Variants in MED12L observed in about 807,000 individuals in gnomAD.
The protein encoded by MED12L is mediator complex subunit 12L, also known as mediator of RNA polymerase II transcription subunit 12-like protein.
Under a neutral mutation model 281.3 loss-of-function variants are expected in MED12L, and 60 were observed. The observed-to-expected ratio is 0.21, with a 90% CI of 0.17 to 0.26. The LOEUF (loss-of-function observed/expected upper bound fraction) is 0.26. Ranked by LOEUF, MED12L falls within the 10% of genes least tolerant of loss-of-function variation. The pLI is 1.00. For missense variants in MED12L, 2,146 were observed against 2,680.9 expected (o/e 0.80, Z 4.41); for synonymous variants, 974 against 987.2 (o/e 0.99, Z 0.25).
chr3:151,237,439 T>A lies in MED12L; in HGVS notation c.2250+43773T>A, dbSNP rs1462913594. On this transcript the variant is annotated intron_variant, in intron 16 of 44. Coordinates refer to ENST00000687756, the MANE Select transcript of MED12L (RefSeq NM_001393769.1). ...ATCTTGGCTCACTGCAACCTCCACC[T>A]CCTGGGTTCAAGCGATTCTCCTGCC... is the stretch of plus-strand genomic sequence containing the variant. 1.5e-5 allele frequency among the ~76,000 whole-genome samples: 2 copies of A among 129,924 alleles called. 1 individual carries two copies. Among genetic ancestry groups the A allele is most frequent in the Non-Finnish European group, 3.1e-5 (2 of 63,904 alleles). The allele number at this position is 129,924 out of a possible 152,430, so 85.2% of individuals were successfully genotyped here. A position where few individuals can be genotyped will look rare whatever the true frequency, so the allele number is the denominator to read the frequency against.
In MED12L at chr3:151,294,302, AAG is replaced by A. The variant is rs1254783278; in HGVS notation, c.2251-55756_2251-55755del. On this transcript the variant is annotated intron_variant, in intron 16 of 44. Coordinates refer to ENST00000687756, the MANE Select transcript of MED12L (RefSeq NM_001393769.1). ...TCTTGAAAATGACCTACACATGAAA[AAG>A]TAAATTATTGGATCCAGGCAAACAT... 3.1e-6 allele frequency: 5 copies of A among 1,614,014 alleles called. No individual in the cohort carries two copies. The African/African-American group carries it at 4.0e-5, about 13-fold the overall frequency.
chr3:151,434,037 AT>A lies in MED12L; in HGVS notation c.*1240del, dbSNP rs1363732684. ...GTAACTTAAGAGTATTCTATATAAT[AT>A]TTTTTTAGATTTAGATGCATAAAAT... On this transcript the variant is annotated 3_prime_UTR_variant, in exon 45 of 45. Transcript: ENST00000687756. The A allele has an allele frequency of 6.6e-6, 1 of 152,532 alleles. No homozygotes were observed. The allele number at this position is 152,532 out of a possible 1,614,324, so 9.4% of individuals were successfully genotyped here.
intron 16 of MED12L, among the ~76,000 whole-genome samples, chr3:151,231,894 TCAGTA>T (rs1456636202): frequency 1.3e-5 from 2 of 152,212 alleles, no homozygotes; most frequent in Non-Finnish European, 2.9e-5. Flanking sequence ...TGAAAGTACT[TCAGTA>T]CAAGAAAACA....
chr3:151,206,971 A>C (rs1166976130), intron 16 of MED12L, among the ~76,000 whole-genome samples: 1 of 151,894 alleles, frequency 6.6e-6, no homozygotes, highest in South Asian at 2.1e-4. Context: ...AAAGCACAGA[A>C]CACATTTTTA....
At chr3:151,424,225 T>C (rs1472969098) in intron 43 of MED12L, among the ~76,000 whole-genome samples, 1 of 152,146 alleles carries the variant, frequency 6.6e-6, no homozygotes, top group Non-Finnish European at 1.5e-5. Context: ...GAAGAAGTAA[T>C]ATTTATAGAA....
At chr3:151,094,617 G>C (rs1419696350) in intron 2 of MED12L, among the ~76,000 whole-genome samples, 1 of 152,142 alleles carries the variant, frequency 6.6e-6, no homozygotes, top group African/African-American at 2.4e-5. Context: ...AAATGTGTAT[G>C]TATATGTAAA....
At chr3:151,323,019 T>A (rs1308174185) in intron 16 of MED12L, among the ~76,000 whole-genome samples, 1 of 152,226 alleles carries the variant, frequency 6.6e-6, no homozygotes, top group Non-Finnish European at 1.5e-5. Flanking sequence ...TCTGTGATGA[T>A]GACCTAGCAA....
chr3:151,311,891 GGCAGGCACTTGTATTTCCA>G (rs1747577172), intron 16 of MED12L, among the ~76,000 whole-genome samples: 1 of 152,134 alleles, frequency 6.6e-6, no homozygotes, highest in South Asian at 2.1e-4. Context: ...CGGGTGTGGT[GGCAGGCACTTGTATTTCCA>G]GCTACTCAGG....
At chr3:151,432,409 A>T (rs886471482) in intron 44 of MED12L, among the ~76,000 whole-genome samples, 1 of 152,204 alleles carries the variant, frequency 6.6e-6, no homozygotes, top group Admixed American at 6.5e-5. Context: ...GCTGACTTTC[A>T]TAAGCATTTT....
intron 30 of MED12L, 27 bp from the exon 31 acceptor site, chr3:151,377,985 C>T (rs368660319): frequency 3.5e-5 from 54 of 1,554,414 alleles, no homozygotes; most frequent in South Asian, 2.7e-4. Context: ...ATGCTTTCTC[C>T]GGTGTAACAC....
rs528793135 is a variant in MED12L, at chr3:151,120,036, C to T, written c.205-2747C>T. Among the ~76,000 whole-genome samples, 10 of 146,974 alleles carry T rather than the reference C, an allele frequency of 6.8e-5. No individual in the cohort carries two copies. In the South Asian group the frequency reaches 1.7e-3, roughly 25 times the overall value. ...GAGTTCGAGACCAGCCTGGCCAACA[C>T]GGTGAAACCCTGTCTCTACTAAAAA... On this transcript the variant is annotated intron_variant, in intron 3 of 44. Transcript: ENST00000687756.
chr3:151,276,108 C>G (rs1741809154), intron 16 of MED12L, among the ~76,000 whole-genome samples: 1 of 152,134 alleles, frequency 6.6e-6, no homozygotes, highest in South Asian at 2.1e-4. Flanking sequence ...TCAATTATGC[C>G]CAGACAACAG....
intron 2 of MED12L, among the ~76,000 whole-genome samples, chr3:151,090,198 A>G (rs1343264410): frequency 2.0e-5 from 3 of 152,012 alleles, no homozygotes; most frequent in Non-Finnish European, 4.4e-5. Context: ...TGTGCCCCTT[A>G]TTCTCCCTAT....
intron 16 of MED12L, among the ~76,000 whole-genome samples, chr3:151,341,377 C>G (rs1013262531): frequency 6.6e-6 from 1 of 151,904 alleles, no homozygotes; most frequent in African/African-American, 2.4e-5. Context: ...TCATGCTTTT[C>G]TTGAATAGAA....
intron 5 of MED12L, among the ~76,000 whole-genome samples, chr3:151,136,688 T>C (rs1236059700): frequency 6.6e-6 from 1 of 152,186 alleles, no homozygotes; most frequent in Non-Finnish European, 1.5e-5. Context: ...GTTATTTCTT[T>C]GGGAATGGCA....
chr3:151,103,129 G>C (rs1354985492), intron 2 of MED12L, among the ~76,000 whole-genome samples: 1 of 152,218 alleles, frequency 6.6e-6, no homozygotes, highest in Non-Finnish European at 1.5e-5. Flanking sequence ...ACTATCTTTT[G>C]AGGCTGCCTT....
At position 151,097,649 on chromosome 3, in the gene MED12L, C is replaced by T. The variant is rs950475687; in HGVS notation, c.99+10624C>T. 3.9e-5 allele frequency among the ~76,000 whole-genome samples: 6 copies of T among 152,218 alleles called. No individual in the cohort carries two copies. In the South Asian group the frequency reaches 1.2e-3, roughly 32 times the overall value. On this transcript the variant is annotated intron_variant, in intron 2 of 44. Coordinates refer to ENST00000687756, the MANE Select transcript of MED12L (RefSeq NM_001393769.1). The stretch of plus-strand genomic sequence containing the variant: ...CGAGGGGCGAGAGTGCATTTTCTTT[C>T]TCTCTCCTCAGGATGTTGGCAGTGT...
At chr3:151,199,432 C>G in intron 16 of MED12L, 1 of 1,515,012 alleles carries the variant, frequency 6.6e-7, no homozygotes. Context: ...GAAAAAATTT[C>G]TAAGACTCTG....
rs1720248848 is a variant in MED12L at position 151,436,573 on chromosome 3, G to C, written c.*3769G>C. On this transcript the variant is annotated 3_prime_UTR_variant, in exon 45 of 45. Transcript: ENST00000687756. ...AGTCCTTTTATTTTGCATGTTCATT[G>C]TAAATTTAATACTGTAAATGTATTC... The C allele has an allele frequency of 1.5e-6, 1 of 681,306 alleles. No individual in the cohort carries two copies. Among genetic ancestry groups the C allele is most frequent in the East Asian group, 2.7e-5 (1 of 37,374 alleles). 42.2% of individuals were successfully genotyped at this position (681,306 alleles called of 1,614,324 possible).
Sources: gnomAD v4.1 joint callset for allele counts (sites outside exome capture counted in the v4.1 genomes callset) on GRCh38, gnomAD v4.1.1 for gene constraint, MANE v1.5 for transcripts, NCBI Gene and HGNC (gene_info 2026-07-23, HGNC 2026-07-21) for gene names.